FSTL4: variants seen among roughly 807,000 people sequenced by gnomAD.
FSTL4 encodes the protein follistatin like 4, also known as follistatin-related protein 4.
In FSTL4, 28 loss-of-function variants were observed where a neutral mutation model predicts 78.2. The observed-to-expected ratio is 0.36, with a 90% CI of 0.27 to 0.49. The LOEUF (loss-of-function observed/expected upper bound fraction) is 0.49, where lower values mean the gene tolerates loss of function less well. Ranked by LOEUF, FSTL4 falls within the 20% of genes least tolerant of loss-of-function variation. FSTL4 has a pLI of 0.98. For synonymous variants in FSTL4, 422 were observed against 440.5 expected (o/e 0.96, Z 0.53); for missense variants, 922 against 1,084.9 (o/e 0.85, Z 2.11).
At chr5:133,322,832 G>A (rs1199258863) in intron 4 of FSTL4, among the ~76,000 whole-genome samples, 5 of 152,170 alleles carry the variant, frequency 3.3e-5, no homozygotes, top group Admixed American at 3.3e-4. Context: ...AGTGTTATGG[G>A]GAATCGTCCA....
At position 133,217,302 on chromosome 5, in the gene FSTL4, C is replaced by T. The variant is rs144623724; in HGVS notation, c.1535G>A (p.Arg512Gln). Residue 512 changes from arginine to glutamine, a missense_variant, in exon 13 of 16, where the codon CGG (arginine) becomes CAG (glutamine). Transcript: ENST00000265342. ...QWVSAVNVRN[R>Q]YIYVAQPALS... ...TGCTGGCTGGGCCACATAGATGTAC[C>T]GGTTCCGGACATTGACTGCAGATAC... The T allele has an allele frequency of 3.7e-5, 60 of 1,613,756 alleles. No homozygotes were observed. Among genetic ancestry groups the T allele is most frequent in the African/African-American group, 1.2e-4 (9 of 74,896 alleles).
At chr5:133,228,227 AAAT>A (rs1263805316) in intron 8 of FSTL4, among the ~76,000 whole-genome samples, 2 of 152,136 alleles carry the variant, frequency 1.3e-5, no homozygotes, top group Admixed American at 6.5e-5. Context: ...AACCTCTCTC[AAAT>A]AATAATAATA....
the FSTL4 span, among the ~76,000 whole-genome samples, chr5:133,828,181 G>A: frequency 2.0e-5 from 3 of 152,176 alleles, no homozygotes; most frequent in South Asian, 4.1e-4. Flanking sequence ...GGAAGGCTTC[G>A]TGTGAGCTGG....
At chr5:133,207,227 CTA>C (rs1428670878) in intron 14 of FSTL4, among the ~76,000 whole-genome samples, 2 of 152,180 alleles carry the variant, frequency 1.3e-5, no homozygotes, top group South Asian at 2.1e-4. Context: ...TCAAGCTCTT[CTA>C]TGTTAATCAC....
intron 4 of FSTL4, among the ~76,000 whole-genome samples, chr5:133,354,951 T>C (rs1019898944): frequency 2.6e-5 from 4 of 152,268 alleles, no homozygotes; most frequent in African/African-American, 7.2e-5. Flanking sequence ...GCTCCTGTCA[T>C]GCTGATGGTG....
At chr5:133,217,456 C>T in intron 12 of FSTL4, 78 bp from the exon 13 acceptor site, 1 of 1,354,298 alleles carries the variant, frequency 7.4e-7, no homozygotes, top group Non-Finnish European at 1.0e-6. Flanking sequence ...TCTCCCCTGA[C>T]CCTCCTCTGT....
chr5:133,690,409 CT>C, the FSTL4 span, among the ~76,000 whole-genome samples: 2 of 152,108 alleles, frequency 1.3e-5, no homozygotes, highest in African/African-American at 4.8e-5. Context: ...TGCCACTTTC[CT>C]TAAATGAAGA....
At chr5:133,271,776 G>T (rs528436313) in intron 6 of FSTL4, among the ~76,000 whole-genome samples, 1 of 152,308 alleles carries the variant, frequency 6.6e-6, no homozygotes, top group Admixed American at 6.5e-5. Flanking sequence ...AATCAGAAAA[G>T]AAATTACCTG....
At chr5:133,640,073 CAG>C in the FSTL4 span, among the ~76,000 whole-genome samples, 2 of 152,212 alleles carry the variant, frequency 1.3e-5, no homozygotes, top group East Asian at 1.9e-4. Context: ...GGTGCAATGA[CAG>C]AGGAGCCTAC....
chr5:133,738,025 G>T, the FSTL4 span, among the ~76,000 whole-genome samples: 1 of 152,122 alleles, frequency 6.6e-6, no homozygotes, highest in African/African-American at 2.4e-5. Flanking sequence ...CGGGCTCAGG[G>T]TTATCAGGTA....
chr5:133,360,046 G>A (rs1048080418), intron 4 of FSTL4, among the ~76,000 whole-genome samples: 1 of 152,226 alleles, frequency 6.6e-6, no homozygotes, highest in Non-Finnish European at 1.5e-5. Flanking sequence ...CTGAAGTGCT[G>A]CCCAGGAATC....
intron 3 of FSTL4, among the ~76,000 whole-genome samples, chr5:133,444,948 C>A (rs1314295779): frequency 2.0e-5 from 3 of 152,180 alleles, no homozygotes; most frequent in African/African-American, 7.2e-5. Context: ...TCTCCTACTG[C>A]CGCCACTGAC....
At chr5:133,625,204 G>T in the FSTL4 span, among the ~76,000 whole-genome samples, 10 of 151,692 alleles carry the variant, frequency 6.6e-5, no homozygotes, top group South Asian at 6.2e-4. Flanking sequence ...TTGGTGTTAG[G>T]TCCTCAAACA....
At chr5:133,456,416 T>C (rs913460161) in intron 3 of FSTL4, among the ~76,000 whole-genome samples, 5 of 152,232 alleles carry the variant, frequency 3.3e-5, no homozygotes, top group African/African-American at 1.2e-4. Context: ...ACTTGGCTAG[T>C]GAGCCCTGCT....
intron 3 of FSTL4, among the ~76,000 whole-genome samples, chr5:133,513,211 C>T (rs554231500): frequency 7.4e-4 from 112 of 152,280 alleles, no homozygotes; most frequent in African/African-American, 2.1e-3. Context: ...GCTTTGATGA[C>T]GCCTAACTCC....
intron 3 of FSTL4, among the ~76,000 whole-genome samples, chr5:133,480,906 A>T (rs941564951): frequency 2.0e-5 from 3 of 152,166 alleles, no homozygotes; most frequent in Admixed American, 2.0e-4. Flanking sequence ...CTTCCAAGAA[A>T]AGAGCAGCTC....
chr5:133,764,090 A>G, the FSTL4 span, among the ~76,000 whole-genome samples: 2 of 152,220 alleles, frequency 1.3e-5, no homozygotes, highest in Non-Finnish European at 2.9e-5. Context: ...AGAAAAGCCA[A>G]TTTGTCTTTC....
At chr5:133,601,618 C>T (rs555868473) in intron 2 of FSTL4, among the ~76,000 whole-genome samples, 2 of 151,842 alleles carry the variant, frequency 1.3e-5, no homozygotes, top group East Asian at 1.9e-4. Context: ...GCAAACAAAC[C>T]GATTAAAATA....
the FSTL4 span, among the ~76,000 whole-genome samples, chr5:133,782,211 C>T: frequency 2.6e-5 from 4 of 152,386 alleles, no homozygotes; most frequent in Admixed American, 1.3e-4. Flanking sequence ...AAGCAACATC[C>T]ATTTAAATCA....
Sources: gnomAD v4.1 joint callset for allele counts (sites outside exome capture counted in the v4.1 genomes callset) on GRCh38, gnomAD v4.1.1 for gene constraint, MANE v1.5 for transcripts, NCBI Gene and HGNC (gene_info 2026-07-23, HGNC 2026-07-21) for gene names.